Variants in CYRIB observed in about 807,000 individuals in gnomAD.
The protein encoded by CYRIB is CYFIP related Rac1 interactor B.
CYRIB carries 8 observed loss-of-function variants against 44.2 expected under a neutral mutation model. That is an observed-to-expected ratio of 0.18 (90% CI 0.11 to 0.33). CYRIB has a LOEUF of 0.33. Ranked by LOEUF, CYRIB falls within the 10% of genes least tolerant of loss-of-function variation. CYRIB has a pLI of 1.00. For missense variants in CYRIB, 185 were observed against 382.8 expected (o/e 0.48, Z 4.31); for synonymous variants, 131 against 127.2 (o/e 1.03, Z -0.20).
intron 4 of CYRIB, among the ~76,000 whole-genome samples, chr8:129,866,713 A>G (rs2053836847): frequency 6.6e-6 from 1 of 152,266 alleles, no homozygotes; most frequent in Non-Finnish European, 1.5e-5. Flanking sequence ...TTCTCACAAT[A>G]TAAAAATGCT....
At chr8:129,992,498 C>T (rs988469306) in intron 1 of CYRIB, among the ~76,000 whole-genome samples, 8 of 152,188 alleles carry the variant, frequency 5.3e-5, no homozygotes, top group East Asian at 1.9e-4. Context: ...CACTGTTTTT[C>T]GCTGCTCTTT....
At chr8:129,872,713 A>G (rs1294783244) in intron 3 of CYRIB, among the ~76,000 whole-genome samples, 1 of 152,054 alleles carries the variant, frequency 6.6e-6, no homozygotes, top group African/African-American at 2.4e-5. Context: ...GTCCAAATTT[A>G]TAAGATGAAG....
intron 5 of CYRIB, among the ~76,000 whole-genome samples, chr8:129,857,538 A>C (rs1479774600): frequency 6.6e-6 from 1 of 152,212 alleles, no homozygotes; most frequent in Non-Finnish European, 1.5e-5. Context: ...GACCACATTA[A>C]GTACTCGGGC....
chr8:129,924,773 C>T (rs994771091), intron 1 of CYRIB, among the ~76,000 whole-genome samples: 2 of 151,938 alleles, frequency 1.3e-5, no homozygotes, highest in African/African-American at 4.8e-5. Context: ...GGAGACCAGC[C>T]TGGGCAACAT....
At chr8:130,005,399 G>T (rs752455280) in intron 1 of CYRIB, among the ~76,000 whole-genome samples, 8 of 152,062 alleles carry the variant, frequency 5.3e-5, no homozygotes, top group Admixed American at 1.3e-4. Context: ...CTCACTGCTG[G>T]GTCCCTTAGC....
In CYRIB at chr8:130,011,404, C is replaced by T. The variant is rs560395304; in HGVS notation, c.-296+4966G>A. Among the ~76,000 whole-genome samples the T allele has an allele frequency of 1.3e-5, 2 of 152,120 alleles. 1 individual carries two copies. The highest frequency in any genetic ancestry group is 4.1e-4 in the South Asian group (2 of 4,826). The stretch of plus-strand genomic sequence containing the variant: ...GGTGTGGTGGTACGCGCCTGTAATC[C>T]CAGCTACTCGGGAGGCTGGGGCAGG... On this transcript the variant is annotated intron_variant, in intron 1 of 14. Coordinates refer to the CYRIB transcript ENST00000401979.
Position 129,920,015 on chromosome 8 carries a change from T to C in CYRIB, c.-49-16665A>G, listed in dbSNP as rs556049926. On this transcript the variant is annotated intron_variant, in intron 1 of 11. Coordinates refer to ENST00000519824, the Ensembl canonical transcript of CYRIB. Reference sequence around the variant, plus strand: ...TCTGTTTGCCCTTCTGTTATTTCTATTTATTGGATAGCTTATATAATTCCA... The same window carrying C: ...TCTGTTTGCCCTTCTGTTATTTCTACTTATTGGATAGCTTATATAATTCCA... Among the ~76,000 whole-genome samples the C allele has an allele frequency of 5.7e-4, 87 of 152,158 alleles. No individual in the cohort carries two copies. The Middle Eastern group carries it at 0.01, about 18-fold the overall frequency.
chr8:129,939,996 T>A (rs2093544222), upstream of CYRIB: 1 of 152,186 alleles, frequency 6.6e-6, no homozygotes, highest in Non-Finnish European at 1.5e-5. Context: ...AGACAGGTGG[T>A]CGGCGGGCGC....
intron 3 of CYRIB, 58 bp downstream of exon 5, chr8:129,879,331 C>T: frequency 8.9e-7 from 1 of 1,126,638 alleles, no homozygotes; most frequent in Non-Finnish European, 1.3e-6. Context: ...TCATTTAGTG[C>T]AAGACAAACG....
chr8:130,005,646 G>T (rs944485242), intron 1 of CYRIB, among the ~76,000 whole-genome samples: 8 of 151,986 alleles, frequency 5.3e-5, no homozygotes, highest in Non-Finnish European at 7.4e-5. Flanking sequence ...TCCCCGGGTG[G>T]GTCACCTCTA....
At chr8:129,957,894 G>A (rs1390685152) in intron 2 of CYRIB, among the ~76,000 whole-genome samples, 2 of 151,272 alleles carry the variant, frequency 1.3e-5, no homozygotes, top group Non-Finnish European at 2.9e-5. Flanking sequence ...GAACCTGGGA[G>A]GCAGAGCTTG....
intron 2 of CYRIB, among the ~76,000 whole-genome samples, chr8:129,964,594 GA>G (rs2095401116): frequency 6.6e-6 from 1 of 152,150 alleles, no homozygotes; most frequent in African/African-American, 2.4e-5. Flanking sequence ...TTGAAAATGG[GA>G]TTATCGGGCC....
At position 129,870,000 on chromosome 8, in the gene CYRIB, GA is replaced by G. The variant is rs564078285; in HGVS notation, c.195+1374del. ...GGGTGGGGGGAGGGGGGGCGTTGAAGAAAAAAATGAAAGGAAGGTCATTCCA... is the reference window on the plus strand; with the variant it reads ...GGGTGGGGGGAGGGGGGGCGTTGAAGAAAAAATGAAAGGAAGGTCATTCCA... On this transcript the variant is annotated intron_variant, in intron 4 of 11. Coordinates refer to ENST00000519824, the Ensembl canonical transcript of CYRIB. Among the ~76,000 whole-genome samples, 181 of 151,850 alleles carry G rather than the reference GA, an allele frequency of 1.2e-3. 1 individual carries two copies. Among genetic ancestry groups the G allele is most frequent in the Non-Finnish European group, 1.9e-3 (128 of 67,868 alleles).
chr8:129,954,277 C>A (rs1277717932), intron 2 of CYRIB, among the ~76,000 whole-genome samples: 2 of 152,008 alleles, frequency 1.3e-5, no homozygotes, highest in Admixed American at 1.3e-4. Flanking sequence ...GGCTGGAGTG[C>A]AATGGTATCA....
At chr8:129,976,827 T>G (rs1021536668) in intron 1 of CYRIB, among the ~76,000 whole-genome samples, 12 of 152,108 alleles carry the variant, frequency 7.9e-5, no homozygotes, top group Non-Finnish European at 1.2e-4. Flanking sequence ...TGTTGTTGTT[T>G]TTTTTTGTTT....
intron 1 of CYRIB, among the ~76,000 whole-genome samples, chr8:129,916,888 C>T (rs2081068792): frequency 1.3e-5 from 2 of 152,306 alleles, no homozygotes; most frequent in South Asian, 2.1e-4. Context: ...AGTCTAGAGG[C>T]TTTGAAACCA....
intron 1 of CYRIB, among the ~76,000 whole-genome samples, chr8:129,910,839 C>A (rs2077618482): frequency 6.6e-6 from 1 of 152,190 alleles, no homozygotes; most frequent in African/African-American, 2.4e-5. Context: ...GTCGCCCAGG[C>A]TGGAATGCAG....
At chr8:129,988,593 C>CT (rs1359641987) in intron 1 of CYRIB, among the ~76,000 whole-genome samples, 5 of 152,158 alleles carry the variant, frequency 3.3e-5, no homozygotes, top group African/African-American at 1.2e-4. Flanking sequence ...CACATCCAGT[C>CT]CACTGAGGTC....
chr8:129,967,721 A>T (rs973559209), intron 2 of CYRIB, among the ~76,000 whole-genome samples: 2 of 152,072 alleles, frequency 1.3e-5, no homozygotes, highest in Non-Finnish European at 2.9e-5. Flanking sequence ...CCAGCACACC[A>T]ATGTAGACTA....
Sources: allele counts gnomAD v4.1 joint callset (sites outside exome capture counted in the v4.1 genomes callset), GRCh38; gene constraint gnomAD v4.1.1; transcripts MANE v1.5; gene names NCBI Gene and HGNC (gene_info 2026-07-23, HGNC 2026-07-21).